Variants in PPP2R2B observed in about 807,000 individuals in gnomAD.
The protein encoded by PPP2R2B is protein phosphatase 2 regulatory subunit Bbeta.
PPP2R2B carries 5 observed loss-of-function variants against 46.0 expected under a neutral mutation model. The ratio of observed to expected loss-of-function variants is 0.11; its 90% CI spans 0.06 to 0.23. The LOEUF (loss-of-function observed/expected upper bound fraction) is 0.23. Ranked by LOEUF, PPP2R2B falls within the 10% of genes least tolerant of loss-of-function variation. PPP2R2B has a pLI of 1.00. For missense variants in PPP2R2B, 367 were observed against 575.0 expected (o/e 0.64, Z 3.70); for synonymous variants, 215 against 206.7 (o/e 1.04, Z -0.34).
intron 7 of PPP2R2B, among the ~76,000 whole-genome samples, chr5:146,633,188 C>T (rs1418758487): frequency 1.3e-5 from 2 of 152,196 alleles, no homozygotes; most frequent in Non-Finnish European, 2.9e-5. Context: ...CCAACCCCTG[C>T]TGAGTATGCA....
intron 1 of PPP2R2B, among the ~76,000 whole-genome samples, chr5:147,055,212 A>T (rs1285282353): frequency 6.6e-6 from 1 of 152,200 alleles, no homozygotes; most frequent in African/African-American, 2.4e-5. Context: ...TCAACACTCC[A>T]CAGTGATGTA....
chr5:146,821,494 G>A (rs1758259454), intron 2 of PPP2R2B, among the ~76,000 whole-genome samples: 1 of 152,146 alleles, frequency 6.6e-6, no homozygotes, highest in African/African-American at 2.4e-5. Context: ...AATGTACTAA[G>A]GTTTGCTAGC....
At chr5:146,636,045 T>C (rs1207389939) in intron 7 of PPP2R2B, among the ~76,000 whole-genome samples, 1 of 152,242 alleles carries the variant, frequency 6.6e-6, no homozygotes, top group Non-Finnish European at 1.5e-5. Context: ...GCCACCATTC[T>C]TGATCTAGGT....
chr5:146,642,245 T>C (rs1303636418), intron 6 of PPP2R2B, among the ~76,000 whole-genome samples: 2 of 152,108 alleles, frequency 1.3e-5, no homozygotes, highest in Non-Finnish European at 2.9e-5. Flanking sequence ...TTTAAAATAA[T>C]AATTGAAGAC....
intron 2 of PPP2R2B, among the ~76,000 whole-genome samples, chr5:146,770,239 G>A (rs990320623): frequency 1.3e-5 from 2 of 149,268 alleles, no homozygotes; most frequent in African/African-American, 5.0e-5. Context: ...GCTGAGGCAG[G>A]AGAATCATTT....
intron 1 of PPP2R2B, among the ~76,000 whole-genome samples, chr5:146,894,866 G>A (rs1312887655): frequency 6.6e-6 from 1 of 152,178 alleles, no homozygotes; most frequent in South Asian, 2.1e-4. Flanking sequence ...AGGGCGCATA[G>A]CATCTTGACA....
chr5:146,783,946 T>TTG (rs1378467159), intron 2 of PPP2R2B, among the ~76,000 whole-genome samples: 2 of 152,222 alleles, frequency 1.3e-5, no homozygotes, highest in Non-Finnish European at 2.9e-5. Flanking sequence ...GTATATATCT[T>TTG]TGTGTGTGTA....
chr5:146,650,454 G>A (rs1484343254), intron 6 of PPP2R2B, 93 bp downstream of exon 6: 8 of 1,180,572 alleles, frequency 6.8e-6, no homozygotes, highest in Admixed American at 2.3e-5. Context: ...AATGCTAGGT[G>A]TTGCATTTCT....
At chr5:147,055,771 T>A (rs775181257) in exon 1 of PPP2R2B, 1 of 1,582,284 alleles carries the variant, frequency 6.3e-7, no homozygotes, top group South Asian at 1.2e-5. Context: ...AAAATCTAAA[T>A]AAAAAAACAG....
intron 1 of PPP2R2B, among the ~76,000 whole-genome samples, chr5:147,026,338 A>G (rs1411420759): frequency 6.6e-6 from 1 of 152,128 alleles, no homozygotes; most frequent in Non-Finnish European, 1.5e-5. Flanking sequence ...ATCTCAAAAC[A>G]ATGATGCTGA....
At chr5:146,851,675 A>G (rs1481384420) in intron 2 of PPP2R2B, among the ~76,000 whole-genome samples, 1 of 152,170 alleles carries the variant, frequency 6.6e-6, no homozygotes, top group Non-Finnish European at 1.5e-5. Context: ...AAGTGTAGGC[A>G]AAACACAAGG....
At position 147,061,331 on chromosome 5, in the gene PPP2R2B, T is replaced by C. The variant is rs571169618; in HGVS notation, c.50+19728A>G. Among the ~76,000 whole-genome samples the C allele has an allele frequency of 5.9e-5, 9 of 152,282 alleles. 1 individual carries two copies. In the East Asian group the frequency reaches 1.2e-3, roughly 20 times the overall value. ...TGCTTGATGGTCAGGGAAGGCTTCT[T>C]GGAGGAGGTGACATTTGAGCTGAAA... is the stretch of plus-strand genomic sequence containing the variant. On this transcript the variant is annotated intron_variant, in intron 2 of 10. Transcript: ENST00000394413.
chr5:146,930,061 C>T (rs934397458), intron 1 of PPP2R2B, among the ~76,000 whole-genome samples: 4 of 152,054 alleles, frequency 2.6e-5, no homozygotes, highest in South Asian at 2.1e-4. Context: ...AGACTAGAAA[C>T]GCATAAACCA....
chr5:147,058,704 C>A (rs546144124), upstream of PPP2R2B, among the ~76,000 whole-genome samples: 1 of 152,296 alleles, frequency 6.6e-6, no homozygotes, highest in Non-Finnish European at 1.5e-5. Flanking sequence ...GCAGAGAGAA[C>A]AAATTTGAAA....
intron 1 of PPP2R2B, among the ~76,000 whole-genome samples, chr5:146,924,486 G>A (rs978359133): frequency 6.6e-6 from 1 of 152,038 alleles, no homozygotes; most frequent in African/African-American, 2.4e-5. Context: ...TTAAGTACAA[G>A]GATAAGAAAG....
chr5:146,599,116 T>C (rs930810663), intron 8 of PPP2R2B, among the ~76,000 whole-genome samples: 1 of 152,214 alleles, frequency 6.6e-6, no homozygotes. Flanking sequence ...TACTCTTGCT[T>C]GGACCTGGAT....
chr5:146,803,580 T>C (rs78592301), intron 2 of PPP2R2B, among the ~76,000 whole-genome samples: 1 of 152,162 alleles, frequency 6.6e-6, no homozygotes, highest in Non-Finnish European at 1.5e-5. Flanking sequence ...AGCTAAGTCA[T>C]GCAGCTTTAT....
At chr5:146,930,453 T>C (rs1231179464) in intron 1 of PPP2R2B, among the ~76,000 whole-genome samples, 2 of 152,174 alleles carry the variant, frequency 1.3e-5, no homozygotes, top group Non-Finnish European at 2.9e-5. Flanking sequence ...TATAATTCTT[T>C]CTTGGGGGAA....
chr5:146,823,743 G>A (rs1758411773), intron 2 of PPP2R2B, among the ~76,000 whole-genome samples: 1 of 151,956 alleles, frequency 6.6e-6, no homozygotes, highest in Non-Finnish European at 1.5e-5. Flanking sequence ...CTAACTTTCT[G>A]AATTTTCCTT....
Sources: allele counts gnomAD v4.1 joint callset (sites outside exome capture counted in the v4.1 genomes callset), GRCh38; gene constraint gnomAD v4.1.1; transcripts MANE v1.5; gene names NCBI Gene and HGNC (gene_info 2026-07-23, HGNC 2026-07-21).